NR2F1-AS1: variants seen among roughly 807,000 people sequenced by gnomAD.
The protein encoded by NR2F1-AS1 is NR2F1 regulatory antisense RNA 1, also known as NR2F1 antisense RNA 1.
At chr5:93,445,783 T>C (rs1286333813) in intron 4 of NR2F1-AS1, among the ~76,000 whole-genome samples, 1 of 152,054 alleles carries the variant, frequency 6.6e-6, no homozygotes, top group Non-Finnish European at 1.5e-5. Context: ...CTGATGAACA[T>C]CAATGCAAAA....
intron 2 of NR2F1-AS1, among the ~76,000 whole-genome samples, chr5:93,558,753 T>C (rs1752420333): frequency 6.6e-6 from 1 of 152,242 alleles, no homozygotes; most frequent in African/African-American, 2.4e-5. Context: ...CTCAGAGCTC[T>C]TGGGTGACCA....
intron 4 of NR2F1-AS1, among the ~76,000 whole-genome samples, chr5:93,470,763 A>C (rs1189818016): frequency 6.6e-6 from 1 of 151,874 alleles, no homozygotes; most frequent in Non-Finnish European, 1.5e-5. Flanking sequence ...CCCTTATTAG[A>C]TATTATCATG....
intron 4 of NR2F1-AS1, among the ~76,000 whole-genome samples, chr5:93,552,915 TA>T (rs1383583851): frequency 6.6e-6 from 1 of 152,138 alleles, no homozygotes; most frequent in African/African-American, 2.4e-5. Context: ...TATTAAATAC[TA>T]TCAAATTATA....
At chr5:93,416,615 A>C (rs1748973295) in intron 4 of NR2F1-AS1, among the ~76,000 whole-genome samples, 1 of 152,196 alleles carries the variant, frequency 6.6e-6, no homozygotes, top group Non-Finnish European at 1.5e-5. Flanking sequence ...TAGTCCTCAA[A>C]ACAGTCCTGG....
chr5:93,425,262 T>C (rs1236282892), intron 4 of NR2F1-AS1, among the ~76,000 whole-genome samples: 1 of 152,162 alleles, frequency 6.6e-6, no homozygotes, highest in Non-Finnish European at 1.5e-5. Context: ...CTCACTCGCA[T>C]GTTTAGCAGT....
At position 93,466,076 on chromosome 5, in the gene NR2F1-AS1, A is replaced by T. The variant is rs181296969; in HGVS notation, n.639-70534T>A. ...TACCCTAGAACTTAAAAGTATAATT[A>T]AAAAAAAAAAGATTGTTACTAGCTA... On this transcript the variant is annotated intron_variant and non_coding_transcript_variant, in intron 4 of 5. Transcript: ENST00000660523. Among the ~76,000 whole-genome samples the T allele has an allele frequency of 3.5e-4, 51 of 146,546 alleles. 1 individual carries two copies. Among genetic ancestry groups the T allele is most frequent in the Admixed American group, 1.8e-3 (27 of 14,720 alleles).
chr5:93,432,579 T>G (rs899776888), intron 4 of NR2F1-AS1: 4 of 152,210 alleles, frequency 2.6e-5, no homozygotes, highest in African/African-American at 9.6e-5. Flanking sequence ...GCATTGGGTT[T>G]GGTTACCCTT....
intron 4 of NR2F1-AS1, among the ~76,000 whole-genome samples, chr5:93,511,378 A>C (rs1044817931): frequency 3.3e-5 from 5 of 152,198 alleles, no homozygotes; most frequent in Non-Finnish European, 7.3e-5. Flanking sequence ...TCAGTCCTTC[A>C]GATTCAGAAT....
intron 4 of NR2F1-AS1, among the ~76,000 whole-genome samples, chr5:93,511,565 T>G (rs1751296238): frequency 6.6e-6 from 1 of 152,050 alleles, no homozygotes; most frequent in Non-Finnish European, 1.5e-5. Context: ...AACTGAAAAA[T>G]TCCAATTGCC....
chr5:93,570,825 C>G (rs1752743038), intron 1 of NR2F1-AS1: 1 of 152,194 alleles, frequency 6.6e-6, no homozygotes, highest in South Asian at 2.1e-4. Flanking sequence ...GCGCGCAAGG[C>G]TCCGCGGCCG....
At chr5:93,468,178 G>T (rs1254066182) in intron 4 of NR2F1-AS1, among the ~76,000 whole-genome samples, 1 of 152,182 alleles carries the variant, frequency 6.6e-6, no homozygotes, top group Non-Finnish European at 1.5e-5. Context: ...CCAGTAATGG[G>T]ATGGCTGGGT....
intron 4 of NR2F1-AS1, among the ~76,000 whole-genome samples, chr5:93,435,483 C>A (rs1277846446): frequency 6.6e-6 from 1 of 152,108 alleles, no homozygotes; most frequent in Non-Finnish European, 1.5e-5. Flanking sequence ...CCCCAATTTG[C>A]CTCATTTCAA....
intron 4 of NR2F1-AS1, chr5:93,496,049 T>C (rs1750953635): frequency 6.6e-6 from 1 of 152,032 alleles, no homozygotes; most frequent in Non-Finnish European, 1.5e-5. Flanking sequence ...AAGGAAAAAA[T>C]GAATTACCTC....
chr5:93,480,753 T>C (rs2149874890), intron 4 of NR2F1-AS1, among the ~76,000 whole-genome samples: 1 of 152,210 alleles, frequency 6.6e-6, no homozygotes, highest in South Asian at 2.1e-4. Context: ...AAGGGAAGAA[T>C]GCAGCTGAGT....
intron 1 of NR2F1-AS1, among the ~76,000 whole-genome samples, chr5:93,573,129 G>T (rs532724687): frequency 1.2e-4 from 19 of 152,328 alleles, no homozygotes; most frequent in Admixed American, 9.1e-4. Flanking sequence ...GTGCGTTTTT[G>T]CGCAGAGAAG....
At chr5:93,428,389 G>A (rs1749239710) in intron 4 of NR2F1-AS1, among the ~76,000 whole-genome samples, 2 of 152,148 alleles carry the variant, frequency 1.3e-5, no homozygotes, top group South Asian at 2.1e-4. Context: ...CATAAATAAT[G>A]TTCACAGCAG....
At chr5:93,462,406 A>T (rs552131396) in intron 4 of NR2F1-AS1, among the ~76,000 whole-genome samples, 30 of 152,332 alleles carry the variant, frequency 2.0e-4, no homozygotes, top group South Asian at 2.1e-4. Context: ...TGGAACTGTG[A>T]GTCCATTAAA....
intron 4 of NR2F1-AS1, among the ~76,000 whole-genome samples, chr5:93,442,665 C>A (rs1279791892): frequency 6.6e-6 from 1 of 152,220 alleles, no homozygotes; most frequent in Non-Finnish European, 1.5e-5. Flanking sequence ...ACTTAAACGT[C>A]CCTGTCTGAC....
intron 2 of NR2F1-AS1, among the ~76,000 whole-genome samples, chr5:93,561,074 G>T (rs1385435919): frequency 6.6e-6 from 1 of 152,188 alleles, no homozygotes; most frequent in Admixed American, 6.5e-5. Flanking sequence ...GGGAGTTCGA[G>T]ACCAGCCTAA....
Sources: gnomAD v4.1 joint callset for allele counts (sites outside exome capture counted in the v4.1 genomes callset) on GRCh38, gnomAD v4.1.1 for gene constraint, MANE v1.5 for transcripts, NCBI Gene and HGNC (gene_info 2026-07-23, HGNC 2026-07-21) for gene names.